The following PRKG1 variants were observed in gnomAD, a reference collection of about 807,000 sequenced individuals.
The protein encoded by PRKG1 is protein kinase cGMP-dependent 1, also known as cGMP-dependent protein kinase 1.
A neutral mutation model predicts 88.1 loss-of-function variants in PRKG1; 35 were observed. The observed-to-expected ratio is 0.40, with a 90% confidence interval of 0.30 to 0.53. The LOEUF is 0.53. Among genes scored for constraint, PRKG1 ranks in the 20% least tolerant of loss-of-function variants. PRKG1 has a pLI of 0.59. For missense variants in PRKG1, 540 were observed against 839.8 expected, an observed-to-expected ratio of 0.64 and a Z score of 4.41; for synonymous variants, 303 against 292.5, an observed-to-expected ratio of 1.04 and a Z score of -0.37.
intron 8 of PRKG1, among the ~76,000 whole-genome samples, chr10:52,138,742 T>C (rs1837495809): frequency 6.6e-6 from 1 of 152,038 alleles, no homozygotes; most frequent in South Asian, 2.1e-4. Flanking sequence ...GGAGGAAATG[T>C]CAAGCATGAG....
chr10:51,635,525 A>G (rs952983137), intron 3 of PRKG1, among the ~76,000 whole-genome samples: 2 of 152,156 alleles, frequency 1.3e-5, no homozygotes, highest in African/African-American at 4.8e-5. Flanking sequence ...CTTGTGGGTC[A>G]GGTGTCATAA....
chr10:51,132,551 A>G (rs1340325280), intron 1 of PRKG1, among the ~76,000 whole-genome samples: 1 of 151,528 alleles, frequency 6.6e-6, no homozygotes, highest in Non-Finnish European at 1.5e-5. Flanking sequence ...AAGACACTTT[A>G]TTGGGGTAGC....
chr10:51,787,533 A>G (rs1838759478), intron 3 of PRKG1, among the ~76,000 whole-genome samples: 1 of 152,142 alleles, frequency 6.6e-6, no homozygotes, highest in Admixed American at 6.6e-5. Context: ...GAACAACAAC[A>G]CATCCATGGA....
chr10:52,125,464 A>C (rs572343441), intron 7 of PRKG1, among the ~76,000 whole-genome samples: 1 of 152,228 alleles, frequency 6.6e-6, no homozygotes, highest in African/African-American at 2.4e-5. Flanking sequence ...ATTGCATGCT[A>C]TTTGATCAAT....
chr10:51,162,307 C>T (rs758011562), intron 2 of PRKG1, among the ~76,000 whole-genome samples: 106 of 152,022 alleles, frequency 7.0e-4, no homozygotes, highest in Non-Finnish European at 1.1e-3. Context: ...CATGTCTCCA[C>T]ATTTGAGAAA....
At chr10:52,006,234 C>T (rs1321763869) in intron 5 of PRKG1, among the ~76,000 whole-genome samples, 1 of 152,192 alleles carries the variant, frequency 6.6e-6, no homozygotes, top group Non-Finnish European at 1.5e-5. Flanking sequence ...CACTTTCTTT[C>T]TTCCAAATGA....
At chr10:51,501,781 C>A (rs972828937) in intron 3 of PRKG1, among the ~76,000 whole-genome samples, 2 of 137,530 alleles carry the variant, frequency 1.5e-5, no homozygotes, top group Non-Finnish European at 1.5e-5. Context: ...ATTCACCCAA[C>A]TTTAGTTTCT....
At chr10:51,119,108 T>C (rs2339629) in intron 1 of PRKG1, among the ~76,000 whole-genome samples, 121,136 of 151,922 alleles carry the variant, frequency 0.8, 48,858 homozygotes, top group South Asian at 0.88. Context: ...TCTTAGTAGT[T>C]TGAAAATGTA....
chr10:51,906,547 T>C (rs573605804), intron 4 of PRKG1, among the ~76,000 whole-genome samples: 19 of 152,294 alleles, frequency 1.2e-4, no homozygotes, highest in Admixed American at 9.2e-4. Flanking sequence ...GGTTTTCTGA[T>C]TGGCAATTGG....
At chr10:52,166,320 C>T (rs1457161854) in intron 9 of PRKG1, among the ~76,000 whole-genome samples, 1 of 52,980 alleles carries the variant, frequency 1.9e-5, no homozygotes, top group East Asian at 3.1e-4. Context: ...TACCAAGGAT[C>T]ATCTTACAGT....
chr10:51,643,557 T>C (rs2132301515), intron 3 of PRKG1, among the ~76,000 whole-genome samples: 1 of 152,300 alleles, frequency 6.6e-6, no homozygotes, highest in South Asian at 2.1e-4. Flanking sequence ...AATATTTATA[T>C]TTGGAAAATG....
intron 3 of PRKG1, among the ~76,000 whole-genome samples, chr10:51,672,925 A>T (rs943434588): frequency 2.0e-5 from 3 of 152,168 alleles, no homozygotes; most frequent in Admixed American, 1.3e-4. Context: ...CTGAAGTGTA[A>T]ACTTTCATAG....
intron 3 of PRKG1, among the ~76,000 whole-genome samples, chr10:51,608,493 C>G (rs529320708): frequency 6.6e-6 from 1 of 152,308 alleles, no homozygotes; most frequent in Admixed American, 6.5e-5. Flanking sequence ...GTCAGCTGTT[C>G]TGCTGGAATT....
At chr10:52,157,609 C>T (rs556630293) in intron 8 of PRKG1, among the ~76,000 whole-genome samples, 10 of 151,470 alleles carry the variant, frequency 6.6e-5, no homozygotes, top group African/African-American at 1.4e-4. Context: ...CACTGAATTA[C>T]GGTCATCCTT....
At chr10:51,596,931 T>C (rs1295349531) in intron 3 of PRKG1, among the ~76,000 whole-genome samples, 1 of 152,086 alleles carries the variant, frequency 6.6e-6, no homozygotes, top group Non-Finnish European at 1.5e-5. Flanking sequence ...CTCTGTTTGG[T>C]GTGTATAATG....
intron 3 of PRKG1, among the ~76,000 whole-genome samples, chr10:51,742,427 C>T (rs1741865212): frequency 6.6e-6 from 1 of 152,174 alleles, no homozygotes; most frequent in Admixed American, 6.5e-5. Flanking sequence ...GAGATAAGAA[C>T]ATGAGTTAAG....
rs150886189 is a variant in PRKG1, at chr10:51,455,274, A to G, written c.479-12449A>G. 7.8e-3 allele frequency among the ~76,000 whole-genome samples: 1,187 copies of G among 152,266 alleles called. 4 individuals are homozygous for G. The highest frequency in any genetic ancestry group is 0.031 in the Middle Eastern group (9 of 294). ...GTCCTTGGGCCTAGCCCATGAAACC[A>G]TTTTTTCCTCATGGGCCTCCAGGCC... On this transcript the variant is annotated intron_variant, in intron 2 of 17. Transcript: ENST00000373980.
intron 7 of PRKG1, among the ~76,000 whole-genome samples, chr10:52,076,560 AAGAAGG>A (rs764541189): frequency 3.0e-4 from 46 of 152,330 alleles, no homozygotes; most frequent in South Asian, 1.4e-3. Context: ...CTGTCAGAAG[AAGAAGG>A]AGAAGGAGAA....
intron 3 of PRKG1, among the ~76,000 whole-genome samples, chr10:51,568,960 A>G (rs1366539299): frequency 6.6e-6 from 1 of 152,040 alleles, no homozygotes; most frequent in Non-Finnish European, 1.5e-5. Flanking sequence ...GTGTGGGCCG[A>G]GTAGACTAGA....
Sources: gnomAD v4.1 joint callset for allele counts (sites outside exome capture counted in the v4.1 genomes callset) on GRCh38, gnomAD v4.1.1 for gene constraint, MANE v1.5 for transcripts, NCBI Gene and HGNC (gene_info 2026-07-23, HGNC 2026-07-21) for gene names.